VEPH1: variants seen among roughly 807,000 people sequenced by gnomAD.
VEPH1 encodes the protein ventricular zone-expressed PH domain-containing protein homolog 1.
Under a neutral mutation model 85.2 loss-of-function variants are expected in VEPH1, and 80 were observed. That is an observed-to-expected ratio of 0.94 (90% CI 0.78 to 1.13). The LOEUF (loss-of-function observed/expected upper bound fraction) is 1.13, where lower values mean the gene tolerates loss of function less well. Ranked by LOEUF, VEPH1 falls within the 50% of genes most tolerant of loss-of-function variation. The pLI is 0.00. For synonymous variants in VEPH1, 297 were observed against 348.0 expected (o/e 0.85, Z 1.63); for missense variants, 955 against 980.5 (o/e 0.97, Z 0.35).
At chr3:157,330,024 C>T (rs1264721451) in intron 9 of VEPH1, among the ~76,000 whole-genome samples, 1 of 152,084 alleles carries the variant, frequency 6.6e-6, no homozygotes, top group African/African-American at 2.4e-5. Context: ...ATCTTATGTC[C>T]CAGAGCTGGA....
intron 9 of VEPH1, among the ~76,000 whole-genome samples, chr3:157,337,939 C>G (rs1036176162): frequency 6.6e-6 from 1 of 152,088 alleles, no homozygotes; most frequent in Middle Eastern, 3.4e-3. Context: ...AGTTACCACT[C>G]TGGTTTGAAG....
intron 7 of VEPH1, among the ~76,000 whole-genome samples, chr3:157,365,709 G>A (rs1559997285): frequency 6.6e-6 from 1 of 152,064 alleles, no homozygotes; most frequent in Non-Finnish European, 1.5e-5. Flanking sequence ...TTATTATTGG[G>A]TTTATTATAA....
intron 9 of VEPH1, among the ~76,000 whole-genome samples, chr3:157,340,567 C>T (rs1723435273): frequency 6.6e-6 from 1 of 152,204 alleles, no homozygotes; most frequent in African/African-American, 2.4e-5. Context: ...TCAAGAAGGC[C>T]TACCTGCCTC....
chr3:157,292,514 A>G (rs764161753), intron 11 of VEPH1, among the ~76,000 whole-genome samples: 2 of 151,670 alleles, frequency 1.3e-5, no homozygotes, highest in Non-Finnish European at 2.9e-5. Context: ...CAGCCCGGTG[A>G]AACCTCGTTT....
At chr3:157,481,461 CACACAAAAAAA>C (rs1738055698) in intron 2 of VEPH1, among the ~76,000 whole-genome samples, 1 of 63,240 alleles carries the variant, frequency 1.6e-5, no homozygotes, top group African/African-American at 1.0e-4. Context: ...CACACACACA[CACACAAAAAAA>C]AAAAAAAAAA....
intron 5 of VEPH1, among the ~76,000 whole-genome samples, chr3:157,426,178 A>G (rs892819589): frequency 1.4e-4 from 21 of 152,156 alleles, no homozygotes; most frequent in Non-Finnish European, 5.9e-5. Flanking sequence ...AAATGGACTA[A>G]TACATTGGTA....
chr3:157,309,520 A>C (rs904469078), intron 11 of VEPH1, among the ~76,000 whole-genome samples: 49 of 152,178 alleles, frequency 3.2e-4, no homozygotes, highest in African/African-American at 1.1e-3. Context: ...CACAGACATT[A>C]ATAAAATTTT....
In VEPH1 at chr3:157,363,703, C is replaced by T. The variant is rs143505735; in HGVS notation, c.1396G>A (p.Glu466Lys). 257 of 1,614,056 alleles carry T rather than the reference C, an allele frequency of 1.6e-4. 2 individuals are homozygous for T. In the African/African-American group the frequency reaches 1.9e-3, roughly 12 times the overall value. Residue 466 changes from glutamate to lysine, a missense_variant, in exon 9 of 14, where the codon GAA becomes AAA. Transcript: ENST00000362010. Reference sequence around the variant, plus strand: ...GGTATGTCTCCCCTGTTTTCATCTTCGCCGTCATCTGAACCCACACCCTTT... The same window carrying T: ...GGTATGTCTCCCCTGTTTTCATCTTTGCCGTCATCTGAACCCACACCCTTT... Reference protein sequence around the residue: ...LTKGVGSDDGEDENRGDIPAS... With the variant: ...LTKGVGSDDGKDENRGDIPAS...
chr3:157,461,871 C>T (rs561156579), intron 3 of VEPH1, among the ~76,000 whole-genome samples: 1 of 151,740 alleles, frequency 6.6e-6, no homozygotes, highest in African/African-American at 2.4e-5. Flanking sequence ...GCAAGGACTT[C>T]CTTAAACCTA....
At chr3:157,367,438 A>G (rs1726833510) in intron 7 of VEPH1, among the ~76,000 whole-genome samples, 1 of 152,242 alleles carries the variant, frequency 6.6e-6, no homozygotes, top group Non-Finnish European at 1.5e-5. Flanking sequence ...TAATGGACTT[A>G]CCACACAAGA....
At chr3:157,339,925 G>A (rs895819030) in intron 9 of VEPH1, among the ~76,000 whole-genome samples, 12 of 152,238 alleles carry the variant, frequency 7.9e-5, no homozygotes, top group African/African-American at 1.4e-4. Flanking sequence ...AGCTGATTCC[G>A]TGTCAAGATA....
chr3:157,500,206 A>G (rs1436357753), intron 1 of VEPH1, among the ~76,000 whole-genome samples: 15 of 152,214 alleles, frequency 9.9e-5, no homozygotes. Context: ...AGAAAAGGGC[A>G]CTGGAACCTT....
Position 157,272,340 on chromosome 3 carries a change from TTC to T in VEPH1, c.2129-6680_2129-6679del, listed in dbSNP as rs747364585. Reference sequence around the variant, plus strand: ...TCCCTCTCTCTCTCTCTTTCTTTCTTTCTCTTTTTCTCTCTCTTTCTTTCTTT... The same window carrying T: ...TCCCTCTCTCTCTCTCTTTCTTTCTTTCTTTTTCTCTCTCTTTCTTTCTTT... On this transcript the variant is annotated intron_variant, in intron 12 of 13. Coordinates refer to ENST00000362010, the MANE Select transcript of VEPH1 (RefSeq NM_001167912.2). 4.8e-3 allele frequency among the ~76,000 whole-genome samples: 728 copies of T among 150,720 alleles called. 12 individuals carry two copies. Among genetic ancestry groups the T allele is most frequent in the East Asian group, 0.039 (199 of 5,124 alleles).
At position 157,295,008 on chromosome 3, in the gene VEPH1, C is replaced by T. The variant is rs563455066; in HGVS notation, c.2011-8334G>A. On this transcript the variant is annotated intron_variant, in intron 11 of 13. Transcript: ENST00000362010. ...AAAAGTAAGAACCCAGACCCCTTCC[C>T]AATGAGCAAAGATTTTTGTTCTCTC... 6.6e-5 allele frequency among the ~76,000 whole-genome samples: 10 copies of T among 152,262 alleles called. No individual in the cohort carries two copies. In the South Asian group the frequency reaches 2.1e-3, roughly 32 times the overall value.
At chr3:157,289,751 A>T (rs1451905215) in intron 11 of VEPH1, among the ~76,000 whole-genome samples, 1 of 152,220 alleles carries the variant, frequency 6.6e-6, no homozygotes, top group Non-Finnish European at 1.5e-5. Flanking sequence ...GGAGAACAAA[A>T]ATAGATTTGT....
chr3:157,358,620 C>T (rs1037448453), intron 9 of VEPH1, among the ~76,000 whole-genome samples: 1 of 152,144 alleles, frequency 6.6e-6, no homozygotes, highest in Non-Finnish European at 1.5e-5. Context: ...CACAGTCACA[C>T]CAACACTGAG....
chr3:157,340,510 TAAAC>T (rs1723428035), intron 9 of VEPH1, among the ~76,000 whole-genome samples: 1 of 151,978 alleles, frequency 6.6e-6, no homozygotes, highest in African/African-American at 2.4e-5. Flanking sequence ...CTTGAGTAGG[TAAAC>T]AAAGCGGCCA....
intron 6 of VEPH1, among the ~76,000 whole-genome samples, chr3:157,390,272 G>C (rs963613903): frequency 6.6e-6 from 1 of 152,204 alleles, no homozygotes; most frequent in African/African-American, 2.4e-5. Flanking sequence ...GGGACAATGA[G>C]TTAGGGTTAC....
intron 7 of VEPH1, among the ~76,000 whole-genome samples, chr3:157,375,950 CACAA>C (rs1205258619): frequency 6.6e-6 from 1 of 152,216 alleles, no homozygotes; most frequent in Non-Finnish European, 1.5e-5. Context: ...ACTTTTCTTA[CACAA>C]ACAACTTCTT....
Sources: gnomAD v4.1 joint callset for allele counts (sites outside exome capture counted in the v4.1 genomes callset) on GRCh38, gnomAD v4.1.1 for gene constraint, MANE v1.5 for transcripts, NCBI Gene and HGNC (gene_info 2026-07-23, HGNC 2026-07-21) for gene names.